The following COL15A1 variants were observed in gnomAD, a reference collection of about 807,000 sequenced individuals.
COL15A1 encodes collagen alpha-1(XV) chain.
Under a neutral mutation model 165.9 loss-of-function variants are expected in COL15A1, and 111 were observed. The ratio of observed to expected loss-of-function variants is 0.67; its 90% CI spans 0.57 to 0.78. The LOEUF is 0.78. COL15A1 is among the 30% of genes least tolerant of loss of function. The probability of loss-of-function intolerance (pLI) is 0.00; values close to 1 mark genes in which losing one functional copy is unlikely to be tolerated. For synonymous variants in COL15A1, 659 were observed against 674.8 expected (o/e 0.98, Z 0.36); for missense variants, 1,745 against 1,789.7 (o/e 0.98, Z 0.45).
At position 99,047,008 on chromosome 9, in the gene COL15A1, G is replaced by T. The variant is rs1403415553; in HGVS notation, c.2680-778G>T. Among the ~76,000 whole-genome samples the T allele has an allele frequency of 2.0e-5, 3 of 152,180 alleles. No individual in the cohort carries two copies. The East Asian group carries it at 5.8e-4, about 29-fold the overall frequency. On this transcript the variant is annotated intron_variant, in intron 26 of 41. Transcript: ENST00000375001. ...ATGAAAAGGGACTTGGAGTGCCCCA[G>T]GCTTAAATCAGTCATTCTTCTGGGA...
In COL15A1 at chr9:99,055,145, C is replaced by T. The variant is rs1428440786; in HGVS notation, c.3075C>T (p.Asn1025=). The T allele has an allele frequency of 6.2e-7, 1 of 1,613,028 alleles. No homozygotes were observed. Among genetic ancestry groups the T allele is most frequent in the East Asian group, 2.2e-5 (1 of 44,882 alleles). Residue 1025 remains asparagine, a synonymous_variant, in exon 33 of 42, where the codon AAC becomes AAT. Coordinates refer to ENST00000375001, the MANE Select transcript of COL15A1 (RefSeq NM_001855.5). ...CTTACCTGAGACACTTTCTGAACAA[C>T]TTGAAGGTGAGTATTTCTCTACCAA... The part of the protein sequence containing the change: ...DLAYLRHFLN[N]LKGENGDKGF...
At chr9:99,016,464 G>T (rs1474073473) in intron 11 of COL15A1, among the ~76,000 whole-genome samples, 2 of 152,250 alleles carry the variant, frequency 1.3e-5, no homozygotes, top group Non-Finnish European at 2.9e-5. Flanking sequence ...CTGTGTGTGT[G>T]TTGGGGGTGA....
chr9:99,001,743 G>A (rs1169880904), intron 7 of COL15A1, among the ~76,000 whole-genome samples: 1 of 152,134 alleles, frequency 6.6e-6, no homozygotes, highest in Non-Finnish European at 1.5e-5. Flanking sequence ...AACATCTGCA[G>A]GGGCTGGCCC....
chr9:99,028,575 G>A (rs556713479), intron 16 of COL15A1, among the ~76,000 whole-genome samples: 9 of 152,144 alleles, frequency 5.9e-5, no homozygotes, highest in Non-Finnish European at 1.0e-4. Flanking sequence ...CGCTTGACCC[G>A]GGAGCCAGAG....
intron 39 of COL15A1, 102 bp downstream of exon 39, chr9:99,063,211 A>C (rs1226190067): frequency 1.5e-6 from 2 of 1,309,412 alleles, no homozygotes; most frequent in African/African-American, 1.6e-5. Context: ...TGATACTTAT[A>C]GACTAGTGAG....
intron 2 of COL15A1, among the ~76,000 whole-genome samples, chr9:98,959,753 C>T (rs1225019405): frequency 6.6e-6 from 1 of 152,226 alleles, no homozygotes; most frequent in Non-Finnish European, 1.5e-5. Flanking sequence ...TCTCTCTGTC[C>T]TCTAGCATGG....
rs1315088487 is a variant in COL15A1, at chr9:99,044,738, G to A, written c.2647G>A (p.Glu883Lys). ...AGTATATATCTTCCTGTTTTAGGGT[G>A]AACCTGGAATGCATGGAGCCCCAGG... ...PLERLMGKKG[E>K]PGMHGAPGPM... The change falls in exon 26 of 42, where the codon GAA (glutamate) becomes AAA (lysine). Residue 883 changes from glutamate to lysine, a missense_variant. Physicochemically the swap from Glu to Lys is moderately conservative, Grantham distance 56 (BLOSUM62 1). Coordinates refer to ENST00000375001, the MANE Select transcript of COL15A1 (RefSeq NM_001855.5). 1.2e-6 allele frequency: 2 copies of A among 1,613,890 alleles called. No individual in the cohort carries two copies. The highest frequency in any genetic ancestry group is 1.7e-6 in the Non-Finnish European group (2 of 1,179,764).
chr9:99,049,377 G>A (rs1182228442), intron 28 of COL15A1, among the ~76,000 whole-genome samples: 2 of 152,236 alleles, frequency 1.3e-5, no homozygotes, highest in African/African-American at 4.8e-5. Context: ...GTCAGAATCT[G>A]AGTTGCAATC....
At chr9:99,012,990 G>A (rs1588514875) in intron 9 of COL15A1, among the ~76,000 whole-genome samples, 1 of 151,972 alleles carries the variant, frequency 6.6e-6, no homozygotes, top group East Asian at 1.9e-4. Flanking sequence ...ATGAACCACC[G>A]TGCCCGGCCT....
At chr9:98,956,914 C>T (rs894581047) in intron 2 of COL15A1, among the ~76,000 whole-genome samples, 2 of 152,228 alleles carry the variant, frequency 1.3e-5, no homozygotes, top group Non-Finnish European at 2.9e-5. Context: ...TTGAGCAACA[C>T]TCTAAACCAG....
At chr9:99,041,168 A>G (rs1169180889) in intron 23 of COL15A1, 1 of 152,710 alleles carries the variant, frequency 6.5e-6, no homozygotes, top group Non-Finnish European at 1.5e-5. Flanking sequence ...CTGACCTTCA[A>G]TAAGGGAAGC....
chr9:98,993,742 G>C (rs1182359228), intron 5 of COL15A1, among the ~76,000 whole-genome samples: 1 of 152,150 alleles, frequency 6.6e-6, no homozygotes, highest in Admixed American at 6.5e-5. Context: ...ACATCTCCTG[G>C]AAGGGCTTTA....
At chr9:98,956,151 C>CA (rs1837771928) in intron 2 of COL15A1, among the ~76,000 whole-genome samples, 1 of 152,116 alleles carries the variant, frequency 6.6e-6, no homozygotes, top group Non-Finnish European at 1.5e-5. Context: ...ACTAAAAATA[C>CA]AAAAATTAGC....
At chr9:98,957,981 G>A (rs533209691) in intron 2 of COL15A1, among the ~76,000 whole-genome samples, 81 of 152,316 alleles carry the variant, frequency 5.3e-4, no homozygotes, top group Non-Finnish European at 8.2e-4. Flanking sequence ...ACCTAGCCCT[G>A]TGCCTGGCCC....
intron 28 of COL15A1, 54 bp downstream of exon 28, chr9:99,048,054 G>T: frequency 1.0e-6 from 1 of 960,664 alleles, no homozygotes; most frequent in South Asian, 1.4e-5. Context: ...GGGTGAGAGA[G>T]TGTGGGGTCC....
chr9:98,963,381 C>T (rs567145766), intron 2 of COL15A1, among the ~76,000 whole-genome samples: 3 of 152,238 alleles, frequency 2.0e-5, no homozygotes, highest in South Asian at 2.1e-4. Flanking sequence ...AAATTGCAGA[C>T]GGGAAGATGG....
intron 2 of COL15A1, among the ~76,000 whole-genome samples, chr9:98,985,308 A>G (rs112761850): frequency 0.016 from 2,441 of 152,344 alleles, 49 homozygotes; most frequent in African/African-American, 0.054. Flanking sequence ...GTGCCTGGTG[A>G]GTATTAAATC....
At position 98,943,960 on chromosome 9, in the gene COL15A1, G is replaced by A; in HGVS notation, c.-102G>A. The stretch of plus-strand genomic sequence containing the variant: ...GCCGCCTTTGTTCCCTGCAGGAAGG[G>A]CGAGCGCGGCGGCCAGCGCTCAGCG... On this transcript the variant is annotated 5_prime_UTR_variant, in exon 1 of 42. Transcript: ENST00000375001. 2 of 1,520,736 alleles carry A rather than the reference G, an allele frequency of 1.3e-6. No individual in the cohort carries two copies. The highest frequency in any genetic ancestry group is 2.4e-5 in the South Asian group (2 of 83,350). The allele number at this position is 1,520,736 out of a possible 1,614,324, so 94.2% of individuals were successfully genotyped here.
At chr9:99,035,796 C>A (rs1306632193) in intron 19 of COL15A1, among the ~76,000 whole-genome samples, 1 of 152,204 alleles carries the variant, frequency 6.6e-6, no homozygotes, top group East Asian at 1.9e-4. Flanking sequence ...CTGGCAGGTG[C>A]CCCTCCCTAC....
Sources: allele counts gnomAD v4.1 joint callset (sites outside exome capture counted in the v4.1 genomes callset), GRCh38; gene constraint gnomAD v4.1.1; transcripts MANE v1.5; gene names NCBI Gene and HGNC (gene_info 2026-07-23, HGNC 2026-07-21).